The following CFAP91 variants were observed in gnomAD, a reference collection of about 807,000 sequenced individuals.
The protein encoded by CFAP91 is cilia and flagella associated protein 91.
In CFAP91, 85 loss-of-function variants were observed where a neutral mutation model predicts 95.9. That is an observed-to-expected ratio of 0.89 (90% CI 0.74 to 1.06). The LOEUF (loss-of-function observed/expected upper bound fraction) is 1.06. Ranked by LOEUF, CFAP91 falls within the 50% of genes least tolerant of loss-of-function variation. The pLI is 0.00. For missense variants in CFAP91, 962 were observed against 943.4 expected, an observed-to-expected ratio of 1.02 and a Z score of -0.26; for synonymous variants, 335 against 327.5, an observed-to-expected ratio of 1.02 and a Z score of -0.25.
intron 5 of CFAP91, among the ~76,000 whole-genome samples, chr3:119,714,071 A>G (rs2053526173): frequency 6.6e-6 from 1 of 152,188 alleles, no homozygotes; most frequent in African/African-American, 2.4e-5. Context: ...AGGAGTAGAA[A>G]TGCTGGAGCA....
At chr3:119,752,010 G>A (rs1040061298) in intron 17 of CFAP91, among the ~76,000 whole-genome samples, 4 of 152,184 alleles carry the variant, frequency 2.6e-5, no homozygotes, top group Non-Finnish European at 5.9e-5. Context: ...TAACACAGTT[G>A]ACACATATCA....
At chr3:119,714,382 A>ATG (rs71619757) in intron 5 of CFAP91, among the ~76,000 whole-genome samples, 3 of 128,478 alleles carry the variant, frequency 2.3e-5, no homozygotes, top group African/African-American at 8.3e-5. Flanking sequence ...AAAAAAAAAA[A>ATG]AAAGAAAGAA....
At chr3:119,749,607 A>G (rs1244978631) in intron 16 of CFAP91, among the ~76,000 whole-genome samples, 1 of 152,160 alleles carries the variant, frequency 6.6e-6, no homozygotes, top group Non-Finnish European at 1.5e-5. Flanking sequence ...GACTTGAGCT[A>G]ACGGAATCCA....
In CFAP91 at chr3:119,703,171, T is replaced by C. The variant is rs770371693; in HGVS notation, c.73T>C (p.Ser25Pro). The change falls in exon 1 of 18, where the codon TCG becomes CCG. Residue 25 changes from serine to proline, a missense_variant. Ser to Pro is a moderately conservative substitution (Grantham distance 74). Transcript: ENST00000273390. ...GTCTCAAACTCGGTACCGGGAGAGG[T>C]CGCGGGCTGGGAGCCACATCTCCTC... Reference protein sequence around the residue: ...QVSQTRYRERSRAGSHISSNR... With the variant: ...QVSQTRYRERPRAGSHISSNR... The C allele has an allele frequency of 6.2e-7, 1 of 1,606,984 alleles. No homozygotes were observed. Among genetic ancestry groups the C allele is most frequent in the Non-Finnish European group, 8.5e-7 (1 of 1,176,730 alleles).
intron 12 of CFAP91, among the ~76,000 whole-genome samples, chr3:119,740,330 G>A (rs749218920): frequency 2.0e-5 from 3 of 152,226 alleles, no homozygotes; most frequent in Admixed American, 1.3e-4. Flanking sequence ...ATTAAGCACA[G>A]CTCACTGAAA....
chr3:119,756,229 A>G (rs1032033226), intron 17 of CFAP91, among the ~76,000 whole-genome samples: 2 of 152,192 alleles, frequency 1.3e-5, no homozygotes, highest in African/African-American at 4.8e-5. Flanking sequence ...CATAAGAGCA[A>G]TAATTAAGCT....
chr3:119,747,627 G>A, intron 15 of CFAP91, 184 bp from the exon 16 acceptor site: 1 of 612,278 alleles, frequency 1.6e-6, no homozygotes, highest in East Asian at 2.9e-5. Context: ...GAAGGACAGG[G>A]TCAAATCCAA....
chr3:119,718,978 T>C (rs2053630222), intron 6 of CFAP91, among the ~76,000 whole-genome samples: 1 of 151,150 alleles, frequency 6.6e-6, no homozygotes. Flanking sequence ...AAAAGACATA[T>C]ACAAGAAAAC....
chr3:119,729,978 C>G (rs1301843197), intron 7 of CFAP91, among the ~76,000 whole-genome samples: 3 of 151,886 alleles, frequency 2.0e-5, no homozygotes, highest in African/African-American at 7.3e-5. Context: ...CCCCATCTGC[C>G]TGGCATAATC....
chr3:119,726,287 A>C lies in CFAP91; in HGVS notation c.799A>C (p.Arg267=), dbSNP rs1311396219. The C allele has an allele frequency of 6.2e-7, 1 of 1,613,954 alleles. No individual in the cohort carries two copies. Among genetic ancestry groups the C allele is most frequent in the Non-Finnish European group, 8.5e-7 (1 of 1,179,948 alleles). The change falls in exon 7 of 18, where the codon AGG becomes CGG. Residue 267 remains arginine (R), a synonymous_variant. Transcript: ENST00000273390. ...LSDTSQFEKR[R]KMMNEMERKE... The stretch of plus-strand genomic sequence containing the variant: ...TGACACCTCCCAGTTTGAGAAGAGG[A>C]GGAAAATGATGAATGAAATGGAGAG...
chr3:119,722,195 A>AAAAAAAAAAAG (rs1553707014), intron 6 of CFAP91, among the ~76,000 whole-genome samples: 7 of 149,222 alleles, frequency 4.7e-5, no homozygotes, highest in African/African-American at 1.5e-4. Context: ...AAAAAAAAAA[A>AAAAAAAAAAAG]GGAAGAAGAT....
chr3:119,733,034 T>C (rs1037865097), intron 9 of CFAP91, among the ~76,000 whole-genome samples: 1 of 152,232 alleles, frequency 6.6e-6, no homozygotes, highest in Non-Finnish European at 1.5e-5. Context: ...AATAAATTGG[T>C]GAACGTCTAC....
chr3:119,732,278 G>A lies in CFAP91; in HGVS notation c.1019-16G>A. On this transcript the variant is annotated splice_polypyrimidine_tract_variant and intron_variant, in intron 8 of 17. Coordinates refer to ENST00000273390, the MANE Select transcript of CFAP91 (RefSeq NM_033364.4). The stretch of plus-strand genomic sequence containing the variant: ...CAATATTTTAGAGATAGTCATGGAG[G>A]TATGTTTTATTTCAGCAATCAGAAA... The A allele has an allele frequency of 6.3e-7, 1 of 1,579,312 alleles. No homozygotes were observed. Among genetic ancestry groups the A allele is most frequent in the Non-Finnish European group, 8.6e-7 (1 of 1,156,136 alleles).
At chr3:119,741,446 T>C (rs2054120179) in intron 13 of CFAP91, among the ~76,000 whole-genome samples, 1 of 152,208 alleles carries the variant, frequency 6.6e-6, no homozygotes. Context: ...AAACTGCATA[T>C]TAAATGTGTT....
At chr3:119,743,411 C>T (rs534204640) in intron 13 of CFAP91, among the ~76,000 whole-genome samples, 2 of 152,268 alleles carry the variant, frequency 1.3e-5, no homozygotes, top group Admixed American at 6.5e-5. Context: ...AGCCACCATG[C>T]CCAGCCATTC....
rs183120693 is a variant in CFAP91 at position 119,733,062 on chromosome 3, A to C, written c.1202-302A>C. On this transcript the variant is annotated intron_variant, in intron 9 of 17. Coordinates refer to ENST00000273390, the MANE Select transcript of CFAP91 (RefSeq NM_033364.4). ...ACGTCTACTTTAGAAGGGTGGCACC[A>C]CATATCATAGAATCATTAATTTTCT... is the stretch of plus-strand genomic sequence containing the variant. Among the ~76,000 whole-genome samples the C allele has an allele frequency of 4.0e-3, 609 of 152,352 alleles. 1 individual carries two copies. The highest frequency in any genetic ancestry group is 6.9e-3 in the Non-Finnish European group (466 of 68,026).
In CFAP91 at chr3:119,737,366, GC is replaced by G. The variant is rs1325246418; in HGVS notation, c.1346del (p.Ala449AspfsTer12). On this transcript the variant is annotated frameshift_variant and splice_region_variant, in exon 11 of 18. Transcript: ENST00000273390. LOFTEE classifies it high-confidence loss of function. Reference protein sequence around the residue: ...LDYELAEVHKALLDKKNKVLE... With the variant: ...LDYELAEVHKXLLDKKNKVLE... The stretch of plus-strand genomic sequence containing the variant: ...ATTATATTAATTGGCATTATTTCAG[GC>G]ACTGTTGGATAAGAAGAATAAAGTT... 1 of 1,544,004 alleles carries G rather than the reference GC, an allele frequency of 6.5e-7. No homozygotes were observed. The highest frequency in any genetic ancestry group is 8.8e-7 in the Non-Finnish European group (1 of 1,136,104).
intron 1 of CFAP91, among the ~76,000 whole-genome samples, chr3:119,704,842 C>T (rs1233819992): frequency 6.6e-6 from 1 of 152,160 alleles, no homozygotes; most frequent in Non-Finnish European, 1.5e-5. Flanking sequence ...CAATGCATCA[C>T]TTTTTCTGTG....
At chr3:119,726,867 G>A (rs1012168148) in intron 7 of CFAP91, among the ~76,000 whole-genome samples, 3 of 143,246 alleles carry the variant, frequency 2.1e-5, no homozygotes, top group Non-Finnish European at 4.5e-5. Flanking sequence ...TGCCTTGCGT[G>A]CTAGCTAGAG....
Sources: allele counts gnomAD v4.1 joint callset (sites outside exome capture counted in the v4.1 genomes callset), GRCh38; gene constraint gnomAD v4.1.1; transcripts MANE v1.5; gene names NCBI Gene and HGNC (gene_info 2026-07-23, HGNC 2026-07-21).